The following TMEM232 variants were observed in gnomAD, a reference collection of about 807,000 sequenced individuals.
The protein encoded by TMEM232 is transmembrane protein 232.
TMEM232 carries 80 observed loss-of-function variants against 78.8 expected under a neutral mutation model. That is an observed-to-expected ratio of 1.01 (90% CI 0.85 to 1.22). The LOEUF (loss-of-function observed/expected upper bound fraction) is 1.22, where lower values mean the gene tolerates loss of function less well. Ranked by LOEUF, TMEM232 falls within the 50% of genes most tolerant of loss-of-function variation. TMEM232 has a pLI of 0.00. For synonymous variants in TMEM232, 297 were observed against 254.3 expected (o/e 1.17, Z -1.60); for missense variants, 881 against 742.2 (o/e 1.19, Z -2.17).
intron 10 of TMEM232, among the ~76,000 whole-genome samples, chr5:110,581,376 A>G (rs572048824): frequency 1.7e-3 from 251 of 152,080 alleles, no homozygotes; most frequent in African/African-American, 5.9e-3. Context: ...ACTTACAACC[A>G]TCTGATCTTT....
upstream of TMEM232, among the ~76,000 whole-genome samples, chr5:110,729,010 GAGT>G (rs1798421605): frequency 6.6e-6 from 1 of 151,710 alleles, no homozygotes; most frequent in Non-Finnish European, 1.5e-5. Flanking sequence ...TCAGCCTCCC[GAGT>G]ACCTGGGATT....
chr5:110,390,623 C>G (rs550092526), exon 4 of TMEM232: 1 of 152,280 alleles, frequency 6.6e-6, no homozygotes, highest in Admixed American at 6.5e-5. Flanking sequence ...TTGAAATATT[C>G]TCTTGTGAGT....
intron 12 of TMEM232, among the ~76,000 whole-genome samples, chr5:110,447,522 C>A (rs1409605329): frequency 6.6e-6 from 1 of 152,058 alleles, no homozygotes; most frequent in Non-Finnish European, 1.5e-5. Flanking sequence ...TAGAAGAAAA[C>A]CTACAAATAA....
At chr5:110,444,090 G>T (rs1273369463) in intron 12 of TMEM232, among the ~76,000 whole-genome samples, 2 of 152,008 alleles carry the variant, frequency 1.3e-5, no homozygotes, top group Non-Finnish European at 2.9e-5. Flanking sequence ...TGCCCTGGCT[G>T]GTATCTCCTT....
intron 1 of TMEM232, among the ~76,000 whole-genome samples, chr5:110,678,600 A>G (rs1459792965): frequency 2.0e-5 from 3 of 152,188 alleles, no homozygotes; most frequent in Non-Finnish European, 4.4e-5. Flanking sequence ...GGACAAATGT[A>G]TAATGTCATG....
intron 10 of TMEM232, among the ~76,000 whole-genome samples, chr5:110,574,641 C>G (rs151054696): frequency 8.7e-4 from 133 of 152,054 alleles, no homozygotes; most frequent in East Asian, 1.6e-3. Flanking sequence ...CCAAGCCCCC[C>G]CAAAAATTGT....
At chr5:110,714,535 T>C (rs1384085632) in intron 1 of TMEM232, among the ~76,000 whole-genome samples, 1 of 152,176 alleles carries the variant, frequency 6.6e-6, no homozygotes, top group Admixed American at 6.6e-5. Flanking sequence ...AGAATAAAAT[T>C]AACTTAAAAT....
At chr5:110,682,743 C>A (rs1792908240) in intron 1 of TMEM232, among the ~76,000 whole-genome samples, 1 of 152,096 alleles carries the variant, frequency 6.6e-6, no homozygotes, top group South Asian at 2.1e-4. Flanking sequence ...CTCTCCAAGG[C>A]TGACAAGAAT....
chr5:110,446,113 T>C (rs1011572127), intron 12 of TMEM232, among the ~76,000 whole-genome samples: 6 of 152,110 alleles, frequency 3.9e-5, no homozygotes, highest in Non-Finnish European at 8.8e-5. Context: ...TCAGTATCTA[T>C]AGGCCTTTTT....
In TMEM232 at chr5:110,420,114, G is replaced by T. The variant is rs1402015637; in HGVS notation, c.*466C>A. ...TGACTATAAAATGCCAATCAAATAA[G>T]ATGCCATACTGTTTTTATTTGAATA... On this transcript the variant is annotated 3_prime_UTR_variant, in exon 14 of 14. Coordinates refer to ENST00000455884, the MANE Select transcript of TMEM232 (RefSeq NM_001039763.4). 1 of 152,278 alleles carries T rather than the reference G, an allele frequency of 6.6e-6. No individual in the cohort carries two copies. The highest frequency in any genetic ancestry group is 1.5e-5 in the Non-Finnish European group (1 of 68,116). The allele number at this position is 152,278 out of a possible 1,614,324, so 9.4% of individuals were successfully genotyped here. A position where few individuals can be genotyped will look rare whatever the true frequency, so the allele number is the denominator to read the frequency against.
chr5:110,597,248 G>A (rs1780284601), intron 10 of TMEM232, among the ~76,000 whole-genome samples: 1 of 152,136 alleles, frequency 6.6e-6, no homozygotes, highest in Non-Finnish European at 1.5e-5. Flanking sequence ...AATCATGAGT[G>A]AACTCCCATT....
intron 12 of TMEM232, among the ~76,000 whole-genome samples, chr5:110,461,211 T>C (rs1761489179): frequency 6.6e-6 from 1 of 151,790 alleles, no homozygotes; most frequent in Admixed American, 6.6e-5. Context: ...AGAATCGTTA[T>C]TAAAGGAAAT....
chr5:110,517,031 T>C (rs906443430), intron 12 of TMEM232, among the ~76,000 whole-genome samples: 7 of 152,200 alleles, frequency 4.6e-5, no homozygotes, highest in Admixed American at 1.3e-4. Context: ...CCACCTTCTA[T>C]AGGAGTCCTT....
rs143981036 is a variant in TMEM232 at position 110,419,750 on chromosome 5, G to A, written c.*830C>T. Among the ~76,000 whole-genome samples, 19 of 152,116 alleles carry A rather than the reference G, an allele frequency of 1.2e-4. No homozygotes were observed. The highest frequency in any genetic ancestry group is 4.6e-4 in the African/African-American group (19 of 41,534). ...ATCACCAAGTCATCTGTGTGAAATC[G>A]AGGTATGAGTATTATCTATATTTTT... On this transcript the variant is annotated 3_prime_UTR_variant, in exon 14 of 14. Coordinates refer to ENST00000455884, the MANE Select transcript of TMEM232 (RefSeq NM_001039763.4).
In TMEM232 at chr5:110,424,886, C is replaced by A. The variant is rs1271663993; in HGVS notation, c.1734G>T (p.Met578Ile). The A allele has an allele frequency of 3.2e-6, 5 of 1,550,098 alleles. No individual in the cohort carries two copies. The Admixed American group carries it at 9.8e-5, about 30-fold the overall frequency. ...REHPSVSEIP[M>I]FPYPDFFTKA... The stretch of plus-strand genomic sequence containing the variant: ...TGGTGAAGAAATCTGGATATGGAAA[C>A]ATGGGAATTTCTGATACAGAAGGAT... The change falls in exon 13 of 14, where the codon ATG becomes ATT. Residue 578 changes from methionine to isoleucine, a missense_variant. Met to Ile is a conservative substitution (Grantham distance 10). Transcript: ENST00000455884.
chr5:110,632,823 T>A (rs1177236112), intron 5 of TMEM232, among the ~76,000 whole-genome samples: 2 of 152,306 alleles, frequency 1.3e-5, no homozygotes, highest in East Asian at 3.9e-4. Context: ...ATGAAAGGGT[T>A]CAAAAACTTA....
At chr5:110,679,072 C>A (rs1447026839) in intron 1 of TMEM232, among the ~76,000 whole-genome samples, 2 of 152,138 alleles carry the variant, frequency 1.3e-5, no homozygotes, top group Non-Finnish European at 2.9e-5. Context: ...AAGAGTATTT[C>A]TTACAAAGTA....
chr5:110,627,899 A>G lies in TMEM232; in HGVS notation c.502-19T>C, dbSNP rs1168040936. 2.8e-6 allele frequency: 4 copies of G among 1,448,858 alleles called. No individual in the cohort carries two copies. In the Admixed American group the frequency reaches 1.0e-4, roughly 37 times the overall value. The allele number at this position is 1,448,858 out of a possible 1,614,324, so 89.8% of individuals were successfully genotyped here. ...AGCCAATCTGTCAAAAGAGAAAAGA[A>G]AAATACATTTTTGTGTTGCATCAAT... On this transcript the variant is annotated intron_variant, in intron 5 of 13. Transcript: ENST00000455884.
intron 1 of TMEM232, among the ~76,000 whole-genome samples, chr5:110,672,334 G>A (rs2150148903): frequency 6.6e-6 from 1 of 152,164 alleles, no homozygotes; most frequent in South Asian, 2.1e-4. Flanking sequence ...CTTCTCCAGT[G>A]GGATGGAATA....
Sources: allele counts gnomAD v4.1 joint callset (sites outside exome capture counted in the v4.1 genomes callset), GRCh38; gene constraint gnomAD v4.1.1; transcripts MANE v1.5; gene names NCBI Gene and HGNC (gene_info 2026-07-23, HGNC 2026-07-21).